The following LUZP2 variants were observed in gnomAD, a reference collection of about 807,000 sequenced individuals.
The protein encoded by LUZP2 is leucine zipper protein 2.
In LUZP2, 52 loss-of-function variants were observed where a neutral mutation model predicts 51.6. The observed-to-expected ratio is 1.01, with a 90% CI of 0.81 to 1.27. The LOEUF (loss-of-function observed/expected upper bound fraction) is 1.27, where lower values mean the gene tolerates loss of function less well. Among genes scored for constraint, LUZP2 ranks in the 50% most tolerant of loss-of-function variants. LUZP2 has a pLI of 0.00. For missense variants in LUZP2, 436 were observed against 395.4 expected (o/e 1.10, Z -0.87); for synonymous variants, 154 against 137.3 (o/e 1.12, Z -0.85).
chr11:24,919,729 T>G (rs1442187023), intron 7 of LUZP2, among the ~76,000 whole-genome samples: 1 of 150,092 alleles, frequency 6.7e-6, no homozygotes, highest in East Asian at 2.0e-4. Flanking sequence ...TTAACTTGAG[T>G]TATAGTTTTT....
At chr11:24,947,626 C>T (rs1854936718) in intron 7 of LUZP2, among the ~76,000 whole-genome samples, 1 of 151,770 alleles carries the variant, frequency 6.6e-6, no homozygotes, top group Admixed American at 6.6e-5. Flanking sequence ...TTGTGAAATA[C>T]TAAAATAGAG....
At chr11:24,728,826 A>C (rs1001953664) in intron 1 of LUZP2, among the ~76,000 whole-genome samples, 5 of 151,966 alleles carry the variant, frequency 3.3e-5, no homozygotes, top group Admixed American at 1.3e-4. Flanking sequence ...GTAATTTATA[A>C]AGAAAAAGAG....
intron 1 of LUZP2, among the ~76,000 whole-genome samples, chr11:24,598,959 G>T (rs1347001299): frequency 1.3e-5 from 2 of 152,130 alleles, no homozygotes; most frequent in African/African-American, 2.4e-5. Context: ...ATGTTTTGTT[G>T]TTGTTGTTGT....
intron 5 of LUZP2, among the ~76,000 whole-genome samples, chr11:24,832,362 G>C (rs1002711078): frequency 1.3e-5 from 2 of 151,784 alleles, no homozygotes; most frequent in African/African-American, 4.8e-5. Flanking sequence ...AGTCTTGCAC[G>C]CTTACAGGGG....
intron 7 of LUZP2, among the ~76,000 whole-genome samples, chr11:24,922,561 G>C (rs1425730280): frequency 1.3e-5 from 2 of 152,148 alleles, no homozygotes; most frequent in East Asian, 3.9e-4. Flanking sequence ...CTTCTAACAA[G>C]TGTGAATTTA....
At chr11:24,586,969 A>G (rs1168722622) in intron 1 of LUZP2, among the ~76,000 whole-genome samples, 1 of 152,138 alleles carries the variant, frequency 6.6e-6, no homozygotes, top group Non-Finnish European at 1.5e-5. Flanking sequence ...GTATAAATAG[A>G]AATAAGAACA....
At chr11:25,059,691 A>G (rs1419739084) in intron 10 of LUZP2, among the ~76,000 whole-genome samples, 1 of 152,184 alleles carries the variant, frequency 6.6e-6, no homozygotes, top group Non-Finnish European at 1.5e-5. Context: ...ATGCTTGATT[A>G]CTGAGACTAT....
At position 25,079,617 on chromosome 11, in the gene LUZP2, T is replaced by C. The variant is rs1859413546; in HGVS notation, c.*959T>C. On this transcript the variant is annotated 3_prime_UTR_variant, in exon 12 of 12. Coordinates refer to ENST00000336930, the MANE Select transcript of LUZP2 (RefSeq NM_001009909.4). ...TTAATCCATAAGAGTTCTGATTTTC[T>C]ATAGGAATATCACTAATCAAAAAAA... The C allele has an allele frequency of 6.6e-6, 1 of 152,192 alleles. No homozygotes were observed. The highest frequency in any genetic ancestry group is 2.4e-5 in the African/African-American group (1 of 41,456). 9.4% of individuals were successfully genotyped at this position (152,192 alleles called of 1,614,324 possible). A position where few individuals can be genotyped will look rare whatever the true frequency, so the allele number is the denominator to read the frequency against.
chr11:24,566,902 GTTATATATATATAT>G (rs1852255399), intron 1 of LUZP2, among the ~76,000 whole-genome samples: 1 of 4,292 alleles, frequency 2.3e-4, no homozygotes, highest in Admixed American at 2.8e-3. Context: ...ATTTATATAT[GTTATATATATATAT>G]ATGTATATAT....
In LUZP2 at chr11:24,551,306, C is replaced by A. The variant is rs1159821312; in HGVS notation, c.62+54001C>A. Among the ~76,000 whole-genome samples, 3 of 152,030 alleles carry A rather than the reference C, an allele frequency of 2.0e-5. No homozygotes were observed. The East Asian group carries it at 5.8e-4, about 29-fold the overall frequency. On this transcript the variant is annotated intron_variant, in intron 1 of 11. Transcript: ENST00000336930. ...TGTTACAACATGGATGAACCTTGAA[C>A]ACATTATGCTAAGTGAAAGAAGCCA...
chr11:24,603,947 G>T (rs918619502), intron 1 of LUZP2, among the ~76,000 whole-genome samples: 2 of 151,290 alleles, frequency 1.3e-5, no homozygotes, highest in Admixed American at 1.3e-4. Flanking sequence ...ACCTCTTCAG[G>T]CCTGAGTTTT....
chr11:24,594,400 A>C (rs1173779299), intron 1 of LUZP2, among the ~76,000 whole-genome samples: 2 of 152,126 alleles, frequency 1.3e-5, no homozygotes, highest in African/African-American at 4.8e-5. Context: ...TAAAAATTAG[A>C]CTAACAGGGA....
At chr11:24,657,225 T>G (rs1269084508) in intron 1 of LUZP2, among the ~76,000 whole-genome samples, 2 of 152,190 alleles carry the variant, frequency 1.3e-5, no homozygotes, top group African/African-American at 4.8e-5. Context: ...GTTATAGCAG[T>G]GCTTGAATTT....
At chr11:24,564,811 T>A (rs1418414932) in intron 1 of LUZP2, among the ~76,000 whole-genome samples, 2 of 152,130 alleles carry the variant, frequency 1.3e-5, no homozygotes, top group Non-Finnish European at 2.9e-5. Flanking sequence ...TGAGACTGAG[T>A]AAATAAGAGT....
intron 1 of LUZP2, among the ~76,000 whole-genome samples, chr11:24,534,812 T>G (rs1379041581): frequency 1.3e-5 from 2 of 151,460 alleles, no homozygotes; most frequent in Non-Finnish European, 3.0e-5. Flanking sequence ...GTGCATAATG[T>G]GCTTAATAAA....
At chr11:24,771,804 T>C (rs12294738) in intron 5 of LUZP2, among the ~76,000 whole-genome samples, 12,199 of 152,118 alleles carry the variant, frequency 0.08, 1,061 homozygotes, top group African/African-American at 0.22. Context: ...TCATGAGATC[T>C]GATGGTTTTA....
intron 9 of LUZP2, among the ~76,000 whole-genome samples, chr11:25,020,568 G>T (rs1357764631): frequency 6.6e-6 from 1 of 151,784 alleles, no homozygotes; most frequent in Non-Finnish European, 1.5e-5. Context: ...TGTCATTTTT[G>T]CAGAGTTATA....
intron 4 of LUZP2, 154 bp from the exon 5 acceptor site, chr11:24,763,092 A>G (rs2134032716): frequency 2.9e-6 from 1 of 347,960 alleles, no homozygotes; most frequent in East Asian, 1.7e-4. Flanking sequence ...TGAATTTAGT[A>G]ATGAAGGTTT....
intron 1 of LUZP2, among the ~76,000 whole-genome samples, chr11:24,610,976 A>G (rs951328053): frequency 3.3e-5 from 5 of 152,186 alleles, no homozygotes; most frequent in African/African-American, 1.2e-4. Context: ...CCTTTTTAAT[A>G]TGATTAAACC....
Sources: allele counts gnomAD v4.1 joint callset (sites outside exome capture counted in the v4.1 genomes callset), GRCh38; gene constraint gnomAD v4.1.1; transcripts MANE v1.5; gene names NCBI Gene and HGNC (gene_info 2026-07-23, HGNC 2026-07-21).